ZNF804B: variants seen among roughly 807,000 people sequenced by gnomAD.
ZNF804B encodes the protein zinc finger 804B.
In ZNF804B, 80 loss-of-function variants were observed where a neutral mutation model predicts 101.4. The ratio of observed to expected loss-of-function variants is 0.79; its 90% CI spans 0.66 to 0.95. ZNF804B has a LOEUF of 0.95. Among genes scored for constraint, ZNF804B ranks in the 40% least tolerant of loss-of-function variants. The probability of loss-of-function intolerance (pLI) is 0.00; values close to 1 mark genes in which losing one functional copy is unlikely to be tolerated. For missense variants in ZNF804B, 1,673 were observed against 1,561.9 expected (o/e 1.07, Z -1.20); for synonymous variants, 622 against 558.8 (o/e 1.11, Z -1.59).
At chr7:89,026,255 C>G (rs1450871947) in intron 1 of ZNF804B, among the ~76,000 whole-genome samples, 1 of 152,056 alleles carries the variant, frequency 6.6e-6, no homozygotes, top group Non-Finnish European at 1.5e-5. Context: ...AGGAGTAATG[C>G]TCAATAATTA....
chr7:88,778,805 C>G (rs1586899084), intron 1 of ZNF804B, among the ~76,000 whole-genome samples: 1 of 152,310 alleles, frequency 6.6e-6, no homozygotes. Flanking sequence ...TAGCATTGTA[C>G]TAGCTGGTGG....
chr7:88,776,604 A>ACCAGTTGT (rs1219398116), intron 1 of ZNF804B, among the ~76,000 whole-genome samples: 1 of 135,236 alleles, frequency 7.4e-6, no homozygotes, highest in African/African-American at 2.8e-5. Context: ...AGTTAAGTAG[A>ACCAGTTGT]CCAGTTGTTT....
intron 1 of ZNF804B, among the ~76,000 whole-genome samples, chr7:88,920,539 C>A (rs1276169207): frequency 6.6e-6 from 1 of 151,892 alleles, no homozygotes; most frequent in East Asian, 1.9e-4. Flanking sequence ...TTTATCATCA[C>A]CATATCCTGG....
chr7:88,848,132 A>G (rs569780563), intron 1 of ZNF804B, among the ~76,000 whole-genome samples: 254 of 152,314 alleles, frequency 1.7e-3, no homozygotes, highest in South Asian at 5.8e-3. Context: ...GGGAGAGAAC[A>G]GGGATGCTGC....
intron 2 of ZNF804B, among the ~76,000 whole-genome samples, chr7:89,238,130 T>A (rs1789312628): frequency 6.6e-6 from 1 of 151,832 alleles, no homozygotes; most frequent in Admixed American, 6.6e-5. Context: ...TGGAATTAGA[T>A]CAAAGCACAA....
Position 88,844,191 on chromosome 7 carries a change from C to G in ZNF804B, c.108+84107C>G, listed in dbSNP as rs552235258. Among the ~76,000 whole-genome samples the G allele has an allele frequency of 8.5e-5, 13 of 152,200 alleles. No homozygotes were observed. In the East Asian group the frequency reaches 2.5e-3, roughly 29 times the overall value. ...CTTAACATTTCTCCCATTATAATGC[C>G]AAAGAGTATCATTACTATACCCAAA... On this transcript the variant is annotated intron_variant, in intron 1 of 3. Transcript: ENST00000333190.
At chr7:89,150,587 A>G (rs1164954738) in intron 1 of ZNF804B, among the ~76,000 whole-genome samples, 1 of 152,160 alleles carries the variant, frequency 6.6e-6, no homozygotes, top group African/African-American at 2.4e-5. Context: ...TTTTAAGTGT[A>G]TATAAAAGAT....
At chr7:89,257,941 T>G (rs1220034365) in intron 2 of ZNF804B, among the ~76,000 whole-genome samples, 1 of 152,104 alleles carries the variant, frequency 6.6e-6, no homozygotes, top group Non-Finnish European at 1.5e-5. Flanking sequence ...TATACAGATA[T>G]TGATATCTCA....
chr7:88,879,586 G>A (rs1792001861), intron 1 of ZNF804B, among the ~76,000 whole-genome samples: 1 of 152,130 alleles, frequency 6.6e-6, no homozygotes, highest in Admixed American at 6.5e-5. Flanking sequence ...TGTACACACA[G>A]GAATTGAAGC....
Position 89,007,446 on chromosome 7 carries a change from TTATATATATATATATATA to T in ZNF804B, c.109-210687_109-210670del, listed in dbSNP as rs61374091. 5.0e-3 allele frequency among the ~76,000 whole-genome samples: 286 copies of T among 57,202 alleles called. 10 individuals are homozygous for T. The highest frequency in any genetic ancestry group is 0.014 in the Middle Eastern group (1 of 74). The allele number at this position is 57,202 out of a possible 152,430, so 37.5% of individuals were successfully genotyped here. ...ATGTTATCTAAAGTTATCCATGATT[TTATATATATATATATATA>T]TATATATATATATATATATATGTCA... On this transcript the variant is annotated intron_variant, in intron 1 of 3. Transcript: ENST00000333190.
intron 1 of ZNF804B, among the ~76,000 whole-genome samples, chr7:89,217,678 A>T (rs1253392568): frequency 6.6e-6 from 1 of 152,172 alleles, no homozygotes; most frequent in South Asian, 2.1e-4. Flanking sequence ...ATGCTTGTGG[A>T]GGAGGCTTTG....
In ZNF804B at chr7:89,202,781, C is replaced by T. The variant is rs575421232; in HGVS notation, c.109-15374C>T. The stretch of plus-strand genomic sequence containing the variant: ...TCTGCTATTTATCATCTTGCATAAA[C>T]GTTTGACAAGCCAAAGAACTTTTCC... On this transcript the variant is annotated intron_variant, in intron 1 of 3. Coordinates refer to ENST00000333190, the MANE Select transcript of ZNF804B (RefSeq NM_181646.5). Among the ~76,000 whole-genome samples, 13 of 152,170 alleles carry T rather than the reference C, an allele frequency of 8.5e-5. No homozygotes were observed. The South Asian group carries it at 2.5e-3, about 29-fold the overall frequency.
chr7:89,058,891 G>A (rs754610586), intron 1 of ZNF804B, among the ~76,000 whole-genome samples: 1 of 151,986 alleles, frequency 6.6e-6, no homozygotes, highest in Non-Finnish European at 1.5e-5. Context: ...ACAGGCTTTC[G>A]CCATGTTGCC....
intron 1 of ZNF804B, among the ~76,000 whole-genome samples, chr7:89,054,005 C>T (rs868707012): frequency 6.6e-6 from 1 of 151,928 alleles, no homozygotes; most frequent in Non-Finnish European, 1.5e-5. Flanking sequence ...CCTCTTTTAA[C>T]CTGCACAATT....
At chr7:89,193,514 C>T (rs192478013) in intron 1 of ZNF804B, among the ~76,000 whole-genome samples, 273 of 144,062 alleles carry the variant, frequency 1.9e-3, no homozygotes, top group South Asian at 8.3e-3. Flanking sequence ...TTCATGTGTC[C>T]ATTTGTTCTC....
chr7:88,822,764 T>C (rs1055189071), intron 1 of ZNF804B, among the ~76,000 whole-genome samples: 3 of 152,154 alleles, frequency 2.0e-5, no homozygotes, highest in African/African-American at 7.2e-5. Context: ...GCAAACACAA[T>C]TTAAATTATT....
intron 2 of ZNF804B, among the ~76,000 whole-genome samples, chr7:89,302,152 T>A (rs38927): frequency 0.51 from 77,332 of 151,654 alleles, 20,196 homozygotes; most frequent in East Asian, 0.79. Flanking sequence ...CATCATTCTT[T>A]CCACATTCTG....
chr7:89,336,510 G>T lies in ZNF804B; in HGVS notation c.3528G>T (p.Lys1176Asn). 6.2e-7 allele frequency: 1 copy of T among 1,614,068 alleles called. No individual in the cohort carries two copies. The highest frequency in any genetic ancestry group is 1.1e-5 in the South Asian group (1 of 91,080). Residue 1176 changes from lysine (K) to asparagine (N), a missense_variant, in exon 4 of 4, where the codon AAG (lysine) becomes AAT (asparagine). Coordinates refer to ENST00000333190, the MANE Select transcript of ZNF804B (RefSeq NM_181646.5). ...ATATGCAGAAGCAACTCCTATCAAA[G>T]CATCTTCGAGTTTTGCCTGCTGCAG... Reference protein sequence around the residue: ...QQHMQKQLLSKHLRVLPAAGP... With the variant: ...QQHMQKQLLSNHLRVLPAAGP...
intron 2 of ZNF804B, among the ~76,000 whole-genome samples, chr7:89,236,981 C>T (rs73397196): frequency 0.036 from 5,414 of 152,022 alleles, 297 homozygotes; most frequent in African/African-American, 0.12. Context: ...GGCAGAATAG[C>T]AACCCAAAGT....
Sources: allele counts gnomAD v4.1 joint callset (sites outside exome capture counted in the v4.1 genomes callset), GRCh38; gene constraint gnomAD v4.1.1; transcripts MANE v1.5; gene names NCBI Gene and HGNC (gene_info 2026-07-23, HGNC 2026-07-21).